CRIM1: variants seen among roughly 807,000 people sequenced by gnomAD.
CRIM1 encodes cysteine rich transmembrane BMP regulator 1, also known as cysteine-rich motor neuron 1 protein.
Under a neutral mutation model 116.4 loss-of-function variants are expected in CRIM1, and 32 were observed. The ratio of observed to expected loss-of-function variants is 0.27; its 90% CI spans 0.21 to 0.37. CRIM1 has a LOEUF of 0.37. Ranked by LOEUF, CRIM1 falls within the 10% of genes least tolerant of loss-of-function variation. The pLI is 1.00. For missense variants in CRIM1, 1,331 were observed against 1,354.8 expected (o/e 0.98, Z 0.28); for synonymous variants, 590 against 509.2 (o/e 1.16, Z -2.13).
At chr2:36,496,141 C>T (rs993789218) in intron 7 of CRIM1, among the ~76,000 whole-genome samples, 8 of 151,904 alleles carry the variant, frequency 5.3e-5, no homozygotes, top group Non-Finnish European at 8.8e-5. Flanking sequence ...TGTTACCACC[C>T]GGAAAAAAAC....
At chr2:36,415,903 G>T (rs762736546) in intron 2 of CRIM1, among the ~76,000 whole-genome samples, 4 of 152,144 alleles carry the variant, frequency 2.6e-5, no homozygotes, top group African/African-American at 7.2e-5. Flanking sequence ...AGTGTCTGAT[G>T]ATTTAAAAAA....
At chr2:36,509,412 A>G (rs1204000189) in intron 8 of CRIM1, among the ~76,000 whole-genome samples, 1 of 152,198 alleles carries the variant, frequency 6.6e-6, no homozygotes, top group Non-Finnish European at 1.5e-5. Flanking sequence ...CTGTAATCAC[A>G]GATGCTTGGG....
At chr2:36,479,829 T>G in intron 7 of CRIM1, 135 bp downstream of exon 7, 1 of 789,086 alleles carries the variant, frequency 1.3e-6, no homozygotes, top group East Asian at 2.7e-5. Context: ...CCAACAAATT[T>G]ATCAAACAGC....
chr2:36,506,078 T>C (rs1162418627), intron 8 of CRIM1, among the ~76,000 whole-genome samples: 1 of 151,892 alleles, frequency 6.6e-6, no homozygotes, highest in Non-Finnish European at 1.5e-5. Flanking sequence ...CCAGCAGCTC[T>C]GCAAGCTGCA....
At chr2:36,474,472 C>A (rs1310265711) in intron 5 of CRIM1, among the ~76,000 whole-genome samples, 1 of 152,278 alleles carries the variant, frequency 6.6e-6, no homozygotes, top group South Asian at 2.1e-4. Context: ...TAGATCATAA[C>A]TCTATGATTC....
intron 7 of CRIM1, among the ~76,000 whole-genome samples, chr2:36,488,393 C>A (rs1051889693): frequency 6.6e-5 from 10 of 152,150 alleles, no homozygotes; most frequent in African/African-American, 2.4e-4. Context: ...AATTTGAGAG[C>A]CCCAAATACT....
At chr2:36,525,631 T>G (rs1490758689) in intron 13 of CRIM1, among the ~76,000 whole-genome samples, 1 of 152,188 alleles carries the variant, frequency 6.6e-6, no homozygotes, top group Non-Finnish European at 1.5e-5. Flanking sequence ...TAACTCAGAT[T>G]ATCATCTATT....
chr2:36,439,209 C>G (rs1294293364), intron 2 of CRIM1, among the ~76,000 whole-genome samples: 1 of 152,214 alleles, frequency 6.6e-6, no homozygotes. Context: ...CTCAACCCAT[C>G]TCATCTCGTT....
chr2:36,437,062 G>C (rs1351805040), intron 2 of CRIM1, among the ~76,000 whole-genome samples: 1 of 152,118 alleles, frequency 6.6e-6, no homozygotes, highest in African/African-American at 2.4e-5. Flanking sequence ...AAATAGAAAT[G>C]AACCAAGCAT....
At chr2:36,396,154 C>G (rs1038305754) in intron 1 of CRIM1, among the ~76,000 whole-genome samples, 1 of 152,104 alleles carries the variant, frequency 6.6e-6, no homozygotes, top group Non-Finnish European at 1.5e-5. Context: ...AAGTAATCCC[C>G]GTGCCTTGGT....
At chr2:36,498,144 A>C (rs968829988) in intron 7 of CRIM1, among the ~76,000 whole-genome samples, 6 of 152,206 alleles carry the variant, frequency 3.9e-5, no homozygotes, top group African/African-American at 1.4e-4. Context: ...TGTTGAAAAG[A>C]TGTTGCATAA....
chr2:36,489,195 A>G (rs1680052001), intron 7 of CRIM1, among the ~76,000 whole-genome samples: 1 of 152,176 alleles, frequency 6.6e-6, no homozygotes, highest in South Asian at 2.1e-4. Flanking sequence ...TGTGCCTTGC[A>G]TGGTGGTTGA....
rs376637948 is a variant in CRIM1, at chr2:36,388,116, A to G, written c.332-8498A>G. On this transcript the variant is annotated intron_variant, in intron 1 of 16. Transcript: ENST00000280527. ...ACCCCTCACATTAAAAAATCTTTTT[A>G]TTATAGAAACTTCCAAATATATACA... is the stretch of plus-strand genomic sequence containing the variant. Among the ~76,000 whole-genome samples, 28 of 152,228 alleles carry G rather than the reference A, an allele frequency of 1.8e-4. No individual in the cohort carries two copies. In the East Asian group the frequency reaches 3.9e-3, roughly 21 times the overall value.
chr2:36,413,124 A>G (rs185084034), intron 2 of CRIM1, among the ~76,000 whole-genome samples: 1 of 152,276 alleles, frequency 6.6e-6, no homozygotes, highest in Admixed American at 6.5e-5. Context: ...TATTAATATA[A>G]AGCGCTAGAA....
chr2:36,442,577 A>G (rs779040332), intron 3 of CRIM1, 38 bp from the exon 4 acceptor site: 5 of 1,613,078 alleles, frequency 3.1e-6, no homozygotes, highest in Middle Eastern at 3.3e-4. Flanking sequence ...GCAAGTAAAT[A>G]TAACAATAAA....
rs562505349 is a variant in CRIM1 at position 36,396,586 on chromosome 2, C to G, written c.332-28C>G. ...GCCTTTGAATGAAGCTGCAAACACA[C>G]ATTATCTGGTTGTTAATTGTTTTAC... On this transcript the variant is annotated intron_variant, in intron 1 of 16. Transcript: ENST00000280527. 3.3e-6 allele frequency: 5 copies of G among 1,508,658 alleles called. No homozygotes were observed. The Middle Eastern group carries it at 5.2e-4, about 157-fold the overall frequency. 93.5% of individuals were successfully genotyped at this position (1,508,658 alleles called of 1,614,324 possible).
chr2:36,376,226 C>T (rs1245935666), intron 1 of CRIM1, among the ~76,000 whole-genome samples: 1 of 152,198 alleles, frequency 6.6e-6, no homozygotes, highest in Non-Finnish European at 1.5e-5. Context: ...TCAACCAAAG[C>T]TTCAAGTGGT....
intron 1 of CRIM1, among the ~76,000 whole-genome samples, chr2:36,364,043 A>G (rs1432228486): frequency 6.6e-6 from 1 of 152,210 alleles, no homozygotes; most frequent in Non-Finnish European, 1.5e-5. Flanking sequence ...TCACTTGTGT[A>G]AGCCAGTTTT....
At chr2:36,483,357 T>C (rs2125054075) in intron 7 of CRIM1, among the ~76,000 whole-genome samples, 1 of 152,360 alleles carries the variant, frequency 6.6e-6, no homozygotes, top group South Asian at 2.1e-4. Flanking sequence ...GCCACTGTTA[T>C]TTGTAACCCT....
Sources: gnomAD v4.1 joint callset for allele counts (sites outside exome capture counted in the v4.1 genomes callset) on GRCh38, gnomAD v4.1.1 for gene constraint, MANE v1.5 for transcripts, NCBI Gene and HGNC (gene_info 2026-07-23, HGNC 2026-07-21) for gene names.